Variants in IFIH1 observed in about 807,000 individuals in gnomAD.
IFIH1 encodes interferon-induced helicase C domain-containing protein 1.
In IFIH1, 125 loss-of-function variants were observed where a neutral mutation model predicts 107.4. The ratio of observed to expected loss-of-function variants is 1.16; its 90% CI spans 1.01 to 1.35. The LOEUF is 1.35. Ranked by LOEUF, IFIH1 falls within the 40% of genes most tolerant of loss-of-function variation. The pLI is 0.00. For missense variants in IFIH1, 1,333 were observed against 1,213.7 expected (o/e 1.10, Z -1.46); for synonymous variants, 458 against 413.2 (o/e 1.11, Z -1.31).
chr2:162,278,057 T>C, intron 9 of IFIH1, 148 bp downstream of exon 9: 1 of 659,892 alleles, frequency 1.5e-6, no homozygotes, highest in Non-Finnish European at 2.6e-6. Flanking sequence ...AATTAGAACA[T>C]GTTTATTATG....
At chr2:162,289,332 G>T (rs1328307950) in intron 4 of IFIH1, among the ~76,000 whole-genome samples, 1 of 151,238 alleles carries the variant, frequency 6.6e-6, no homozygotes, top group Non-Finnish European at 1.5e-5. Flanking sequence ...TCTTGTTTTA[G>T]ATAGAATATA....
At chr2:162,301,231 G>C (rs1043864532) in intron 3 of IFIH1, among the ~76,000 whole-genome samples, 1 of 152,136 alleles carries the variant, frequency 6.6e-6, no homozygotes, top group Admixed American at 6.5e-5. Context: ...AAATCTTCAC[G>C]TGAACGAATA....
In IFIH1 at chr2:162,279,983, A is replaced by G. The variant is rs558545015; in HGVS notation, c.1641+13T>C. ...TATTGTCAATCAATAGATATAAAAC[A>G]TTAAGCCCATACTTCTCTGGTTGCA... On this transcript the variant is annotated intron_variant, in intron 8 of 15. Coordinates refer to ENST00000649979, the MANE Select transcript of IFIH1 (RefSeq NM_022168.4). 7 of 1,376,406 alleles carry G rather than the reference A, an allele frequency of 5.1e-6. No homozygotes were observed. In the African/African-American group the frequency reaches 8.6e-5, roughly 17 times the overall value. 85.3% of individuals were successfully genotyped at this position (1,376,406 alleles called of 1,614,324 possible).
intron 9 of IFIH1, 105 bp downstream of exon 9, chr2:162,278,100 G>C: frequency 1.1e-6 from 1 of 908,004 alleles, no homozygotes; most frequent in Admixed American, 2.6e-5. Context: ...AATTCTATTT[G>C]GAACTACTTT....
chr2:162,310,886 T>C lies in IFIH1; in HGVS notation c.501A>G (p.Leu167=), dbSNP rs1392083149. Residue 167 remains leucine (L), a synonymous_variant, in exon 2 of 16, where the codon CTA becomes CTG. Transcript: ENST00000649979. ...NNGNESGVRE[L]LKRIVQKENW... is the part of the protein sequence containing the mutation. ...TTTCTTTCTGCACAATCCTTTTTAG[T>C]AGCTCTCTTACACCTGATTCATTTC... 1 of 1,613,448 alleles carries C rather than the reference T, an allele frequency of 6.2e-7. No homozygotes were observed. The highest frequency in any genetic ancestry group is 8.5e-7 in the Non-Finnish European group (1 of 1,179,608).
rs895888731 is a variant in IFIH1, at chr2:162,278,111, T to C, written c.1765+94A>G. The C allele has an allele frequency of 2.2e-5, 23 of 1,058,786 alleles. No individual in the cohort carries two copies. The East Asian group carries it at 5.7e-4, about 26-fold the overall frequency. 65.6% of individuals were successfully genotyped at this position (1,058,786 alleles called of 1,614,324 possible). On this transcript the variant is annotated intron_variant, in intron 9 of 15. Coordinates refer to ENST00000649979, the MANE Select transcript of IFIH1 (RefSeq NM_022168.4). ...CAGAAATTCTATTTGGAACTACTTT[T>C]GCTTTCCATTTTTTGGGGAATCTGT...
At chr2:162,302,732 GAAAC>G (rs1683214355) in intron 3 of IFIH1, among the ~76,000 whole-genome samples, 2 of 152,250 alleles carry the variant, frequency 1.3e-5, no homozygotes, top group South Asian at 4.1e-4. Context: ...AGATAACAAG[GAAAC>G]AAACAGATAC....
chr2:162,277,851 AG>A (rs1273115351), intron 9 of IFIH1, among the ~76,000 whole-genome samples, 158 bp from the exon 10 acceptor site: 11 of 152,302 alleles, frequency 7.2e-5, no homozygotes, highest in African/African-American at 2.6e-4. Context: ...GCTCTGAAAC[AG>A]GGCAAGTTTT....
At chr2:162,280,222 A>T in intron 7 of IFIH1, 110 bp from the exon 8 acceptor site, 3 of 655,302 alleles carry the variant, frequency 4.6e-6, no homozygotes, top group African/African-American at 1.8e-5. Flanking sequence ...TTGTAGCATA[A>T]ATATGTGGTA....
chr2:162,282,632 G>A (rs1682832129), intron 5 of IFIH1, 56 bp from the exon 6 acceptor site: 1 of 1,211,282 alleles, frequency 8.3e-7, no homozygotes, highest in Admixed American at 2.1e-5. Flanking sequence ...AGCCAAAAGA[G>A]TGTTGATCAA....
At chr2:162,276,971 A>T in intron 10 of IFIH1, 25 bp from the exon 11 acceptor site, 1 of 1,560,164 alleles carries the variant, frequency 6.4e-7, no homozygotes, top group South Asian at 1.2e-5. Flanking sequence ...TAGAGTTGAT[A>T]TGTTAACAAG....
chr2:162,317,285 A>G (rs1683512935), intron 1 of IFIH1, among the ~76,000 whole-genome samples: 1 of 152,140 alleles, frequency 6.6e-6, no homozygotes, highest in Non-Finnish European at 1.5e-5. Context: ...AAAATTGAAA[A>G]ATCTGAAGAC....
At chr2:162,296,755 G>A (rs1236647691) in intron 3 of IFIH1, among the ~76,000 whole-genome samples, 1 of 152,024 alleles carries the variant, frequency 6.6e-6, no homozygotes, top group African/African-American at 2.4e-5. Flanking sequence ...TAACATTTCT[G>A]GTTTCATTGA....
intron 3 of IFIH1, among the ~76,000 whole-genome samples, chr2:162,294,499 A>G (rs16846582): frequency 0.02 from 3,065 of 152,010 alleles, 112 homozygotes; most frequent in African/African-American, 0.071. Flanking sequence ...GGTTACTAAT[A>G]TTGGCTTTGG....
intron 4 of IFIH1, among the ~76,000 whole-genome samples, chr2:162,293,157 A>T (rs994658322): frequency 2.6e-5 from 4 of 151,954 alleles, no homozygotes; most frequent in African/African-American, 7.2e-5. Flanking sequence ...AGTTAGTCAT[A>T]CTTCTCTTAT....
In IFIH1 at chr2:162,270,936, T is replaced by C. The variant is rs561436135; in HGVS notation, c.2616+1290A>G. Among the ~76,000 whole-genome samples the C allele has an allele frequency of 3.4e-3, 517 of 152,284 alleles. 2 individuals carry two copies. Among genetic ancestry groups the C allele is most frequent in the Non-Finnish European group, 6.2e-3 (420 of 68,022 alleles). ...CACCAATTTGAAAGCATCCCTTTAG[T>C]GAAACTCTATTTAAGGTAGAGCCAA... On this transcript the variant is annotated intron_variant, in intron 13 of 15. Coordinates refer to ENST00000649979, the MANE Select transcript of IFIH1 (RefSeq NM_022168.4).
chr2:162,286,502 C>G (rs1023385065), intron 5 of IFIH1, among the ~76,000 whole-genome samples: 2 of 151,852 alleles, frequency 1.3e-5, no homozygotes, highest in African/African-American at 4.8e-5. Flanking sequence ...TAGCCTATGT[C>G]CCTGTGACCA....
intron 3 of IFIH1, among the ~76,000 whole-genome samples, chr2:162,303,303 A>T (rs1683223638): frequency 6.6e-6 from 1 of 152,114 alleles, no homozygotes; most frequent in Non-Finnish European, 1.5e-5. Flanking sequence ...TTTAATACAG[A>T]TAGGGCTTCA....
chr2:162,312,366 G>A (rs555398777), intron 1 of IFIH1, among the ~76,000 whole-genome samples: 1 of 152,130 alleles, frequency 6.6e-6, no homozygotes, highest in East Asian at 1.9e-4. Context: ...TAACCCAGCA[G>A]CCCAGAAATA....
Sources: gnomAD v4.1 joint callset for allele counts (sites outside exome capture counted in the v4.1 genomes callset) on GRCh38, gnomAD v4.1.1 for gene constraint, MANE v1.5 for transcripts, NCBI Gene and HGNC (gene_info 2026-07-23, HGNC 2026-07-21) for gene names.